TMEM87B: variants seen among roughly 807,000 people sequenced by gnomAD.
TMEM87B encodes the protein transmembrane protein 87B.
In TMEM87B, 83 loss-of-function variants were observed where a neutral mutation model predicts 80.3. That is an observed-to-expected ratio of 1.03 (90% confidence interval 0.87 to 1.24). The LOEUF is 1.24. TMEM87B is among the 50% of genes most tolerant of loss of function. The pLI is 0.00. For missense variants in TMEM87B, 625 were observed against 674.4 expected, an observed-to-expected ratio of 0.93 and a Z score of 0.81; for synonymous variants, 219 against 230.5, an observed-to-expected ratio of 0.95 and a Z score of 0.45.
Position 112,116,280 on chromosome 2 carries a change from A to T in TMEM87B, c.*137A>T. 1 of 694,408 alleles carries T rather than the reference A, an allele frequency of 1.4e-6. No individual in the cohort carries two copies. The highest frequency in any genetic ancestry group is 2.4e-6 in the Non-Finnish European group (1 of 421,412). 43.0% of individuals were successfully genotyped at this position (694,408 alleles called of 1,614,324 possible). ...GTCTGTGTATCAAAATGAAGAATTC[A>T]GATGGTAGGAGGTTCTATAGTCCTT... is the stretch of plus-strand genomic sequence containing the variant. On this transcript the variant is annotated 3_prime_UTR_variant, in exon 19 of 19. Coordinates refer to ENST00000283206, the MANE Select transcript of TMEM87B (RefSeq NM_032824.3).
chr2:112,112,501 T>G (rs1387503265), intron 17 of TMEM87B, among the ~76,000 whole-genome samples: 2 of 152,258 alleles, frequency 1.3e-5, no homozygotes, highest in Non-Finnish European at 2.9e-5. Flanking sequence ...TAACACTAAG[T>G]GCTCTAAAAA....
At chr2:112,111,992 T>A (rs1234431157) in intron 17 of TMEM87B, among the ~76,000 whole-genome samples, 3 of 152,206 alleles carry the variant, frequency 2.0e-5, no homozygotes, top group African/African-American at 7.2e-5. Flanking sequence ...ACCTTTCCTC[T>A]AACGCCGTCT....
At chr2:112,098,796 T>C in intron 14 of TMEM87B, 98 bp downstream of exon 14, 1 of 1,163,956 alleles carries the variant, frequency 8.6e-7, no homozygotes, top group South Asian at 1.3e-5. Context: ...TAGTCGTTGC[T>C]TTTAAGGAGT....
intron 17 of TMEM87B, among the ~76,000 whole-genome samples, chr2:112,108,741 A>G (rs1679837244): frequency 6.6e-6 from 1 of 151,994 alleles, no homozygotes; most frequent in Non-Finnish European, 1.5e-5. Context: ...TCAGGATTTT[A>G]ACTTTATCTT....
At chr2:112,105,398 T>C (rs1679738715) in intron 15 of TMEM87B, among the ~76,000 whole-genome samples, 2 of 152,200 alleles carry the variant, frequency 1.3e-5, no homozygotes. Context: ...CAATGGTCAC[T>C]AGAACTCTAT....
intron 4 of TMEM87B, among the ~76,000 whole-genome samples, chr2:112,068,475 C>T (rs942534166): frequency 4.6e-5 from 7 of 152,138 alleles, no homozygotes; most frequent in South Asian, 2.1e-4. Flanking sequence ...GAGGCCAAGG[C>T]GGGTGGATCA....
Position 112,118,401 on chromosome 2 carries a change from A to G in TMEM87B, c.*2258A>G, listed in dbSNP as rs1006291877. 7 of 152,176 alleles carry G rather than the reference A, an allele frequency of 4.6e-5. No individual in the cohort carries two copies. Among genetic ancestry groups the G allele is most frequent in the African/African-American group, 1.7e-4 (7 of 41,440 alleles). The allele number at this position is 152,176 out of a possible 1,614,324, so 9.4% of individuals were successfully genotyped here. Reference sequence around the variant, plus strand: ...GCACTCAAATCAGTTTACTTTTAGCATGCCCCCATCAGGGTGGGTCTCACT... The same window carrying G: ...GCACTCAAATCAGTTTACTTTTAGCGTGCCCCCATCAGGGTGGGTCTCACT... On this transcript the variant is annotated 3_prime_UTR_variant, in exon 19 of 19. Transcript: ENST00000283206.
In TMEM87B at chr2:112,075,850, G is replaced by C. The variant is rs534856267; in HGVS notation, c.501+888G>C. Among the ~76,000 whole-genome samples, 5 of 152,318 alleles carry C rather than the reference G, an allele frequency of 3.3e-5. No homozygotes were observed. In the East Asian group the frequency reaches 7.7e-4, roughly 24 times the overall value. On this transcript the variant is annotated intron_variant, in intron 5 of 18. Transcript: ENST00000283206. ...AAACTTTGTACAAAATCTGTCATATGATGAGGAGTAGGAAATGAAAGAAAC... is the reference window on the plus strand; with the variant it reads ...AAACTTTGTACAAAATCTGTCATATCATGAGGAGTAGGAAATGAAAGAAAC...
chr2:112,057,370 G>A (rs762600012), intron 1 of TMEM87B, among the ~76,000 whole-genome samples: 1 of 152,064 alleles, frequency 6.6e-6, no homozygotes, highest in African/African-American at 2.4e-5. Context: ...CAAACTCCTG[G>A]GCTCAAGCAA....
chr2:112,103,227 G>A (rs1679681883), intron 15 of TMEM87B, among the ~76,000 whole-genome samples: 1 of 152,060 alleles, frequency 6.6e-6, no homozygotes, highest in Non-Finnish European at 1.5e-5. Context: ...TAAAATACTT[G>A]GAATAAGTTT....
intron 11 of TMEM87B, among the ~76,000 whole-genome samples, chr2:112,092,185 C>CAG (rs1238306365): frequency 6.6e-6 from 1 of 152,134 alleles, no homozygotes; most frequent in Non-Finnish European, 1.5e-5. Context: ...AAAGACTTCA[C>CAG]AGAGATGGCA....
In TMEM87B at chr2:112,055,270, T is replaced by C; in HGVS notation, c.-322T>C. On this transcript the variant is annotated 5_prime_UTR_variant, in exon 1 of 19. Coordinates refer to ENST00000283206, the MANE Select transcript of TMEM87B (RefSeq NM_032824.3). ...CTTGCACGTTCCGGCTCCTCTTCTA[T>C]CTTCACGCCCACGCTAGGCCCTGAG... The C allele has an allele frequency of 2.9e-6, 1 of 343,408 alleles. No individual in the cohort carries two copies. The highest frequency in any genetic ancestry group is 5.3e-6 in the Non-Finnish European group (1 of 188,286). The allele number at this position is 343,408 out of a possible 1,614,324, so 21.3% of individuals were successfully genotyped here.
In TMEM87B at chr2:112,077,228, A is replaced by G. The variant is rs753273710; in HGVS notation, c.538A>G (p.Ile180Val). 6.3e-7 allele frequency: 1 copy of G among 1,597,344 alleles called. No individual in the cohort carries two copies. Among genetic ancestry groups the G allele is most frequent in the Admixed American group, 1.8e-5 (1 of 56,750 alleles). Residue 180 changes from isoleucine to valine, a missense_variant, in exon 6 of 19, where the codon ATC (isoleucine) becomes GTC (valine). Ile to Val is a conservative substitution (Grantham distance 29, BLOSUM62 3). Coordinates refer to ENST00000283206, the MANE Select transcript of TMEM87B (RefSeq NM_032824.3). ...CAGAACACAAAAAGATGGGTTTCAT[A>G]TCTTTATTGTTTCTATTAAAACGGA... ...VARTQKDGFH[I>V]FIVSIKTENT...
intron 3 of TMEM87B, 108 bp from the exon 4 acceptor site, chr2:112,066,828 A>G: frequency 1.0e-6 from 1 of 991,162 alleles, no homozygotes; most frequent in Non-Finnish European, 1.4e-6. Context: ...ATTTCCAGGT[A>G]TTTCAAACTG....
chr2:112,093,545 C>T (rs962082348), intron 11 of TMEM87B, among the ~76,000 whole-genome samples: 1 of 152,168 alleles, frequency 6.6e-6, no homozygotes, highest in African/African-American at 2.4e-5. Context: ...TTGTTTCTGA[C>T]TGAACTTGTT....
chr2:112,063,327 C>T (rs1678314075), intron 2 of TMEM87B, among the ~76,000 whole-genome samples: 1 of 152,212 alleles, frequency 6.6e-6, no homozygotes, highest in African/African-American at 2.4e-5. Flanking sequence ...ACAGAGCTCT[C>T]CTTAACTCCA....
chr2:112,071,719 C>T (rs188721928), intron 4 of TMEM87B, among the ~76,000 whole-genome samples: 44 of 152,272 alleles, frequency 2.9e-4, no homozygotes, highest in African/African-American at 1.0e-3. Context: ...ATAATCATGT[C>T]GTCTGCACAC....
At chr2:112,065,274 T>G (rs948746049) in intron 3 of TMEM87B, among the ~76,000 whole-genome samples, 1 of 152,230 alleles carries the variant, frequency 6.6e-6, no homozygotes, top group African/African-American at 2.4e-5. Context: ...AGAACAGAGA[T>G]ATTCATTTAT....
chr2:112,100,601 T>G (rs1193109869), intron 14 of TMEM87B, 21 bp from the exon 15 acceptor site: 2 of 1,542,718 alleles, frequency 1.3e-6, no homozygotes, highest in South Asian at 2.3e-5. Context: ...CTAGTAAAAC[T>G]ACTCCTTGTT....
Sources: allele counts gnomAD v4.1 joint callset (sites outside exome capture counted in the v4.1 genomes callset), GRCh38; gene constraint gnomAD v4.1.1; transcripts MANE v1.5; gene names NCBI Gene and HGNC (gene_info 2026-07-23, HGNC 2026-07-21).